Variants in ZNF536 observed in about 807,000 individuals in gnomAD.
ZNF536 encodes zinc finger protein 536.
Under a neutral mutation model 84.5 loss-of-function variants are expected in ZNF536, and 13 were observed. That is an observed-to-expected ratio of 0.15 (90% CI 0.10 to 0.24). ZNF536 has a LOEUF of 0.24. Among genes scored for constraint, ZNF536 ranks in the 10% least tolerant of loss-of-function variants. The pLI, the probability that ZNF536 is intolerant of heterozygous loss-of-function variation, is 1.00. For synonymous variants in ZNF536, 811 were observed against 742.5 expected, an observed-to-expected ratio of 1.09 and a Z score of -1.50; for missense variants, 1,536 against 1,747.5, an observed-to-expected ratio of 0.88 and a Z score of 2.16.
Position 30,352,584 on chromosome 19 carries a change from C to T in ZNF536, c.-3+100C>T, listed in dbSNP as rs2047965361. On this transcript the variant is annotated intron_variant, in intron 3 of 5. Transcript: ENST00000585628. Reference sequence around the variant, plus strand: ...AAACACAAATCTAAACCAAATAGCTCCTCTGTCTCCTGCCCCCGGCCAGGG... The same window carrying T: ...AAACACAAATCTAAACCAAATAGCTTCTCTGTCTCCTGCCCCCGGCCAGGG... 3 of 152,168 alleles carry T rather than the reference C, an allele frequency of 2.0e-5. No individual in the cohort carries two copies. In the South Asian group the frequency reaches 6.2e-4, roughly 32 times the overall value. 9.4% of individuals were successfully genotyped at this position (152,168 alleles called of 1,614,324 possible). A position where few individuals can be genotyped will look rare whatever the true frequency, so the allele number is the denominator to read the frequency against.
chr19:30,303,335 T>G (rs1258838635), intron 2 of ZNF536, among the ~76,000 whole-genome samples: 3 of 152,186 alleles, frequency 2.0e-5, no homozygotes, highest in African/African-American at 7.2e-5. Flanking sequence ...AGGCTCTATG[T>G]GATGGCGAGA....
chr19:30,433,475 C>T (rs1191869143), intron 1 of ZNF536, among the ~76,000 whole-genome samples: 1 of 152,200 alleles, frequency 6.6e-6, no homozygotes, highest in Non-Finnish European at 1.5e-5. Context: ...ATAAGACTGA[C>T]AACAGGAGCA....
chr19:30,401,046 G>A (rs1000898661), intron 1 of ZNF536, among the ~76,000 whole-genome samples: 2 of 152,016 alleles, frequency 1.3e-5, no homozygotes, highest in Non-Finnish European at 2.9e-5. Flanking sequence ...TGAGATTTAG[G>A]TCAAGGTTCT....
intron 2 of ZNF536, among the ~76,000 whole-genome samples, chr19:30,515,059 C>G (rs1040910034): frequency 6.6e-6 from 1 of 151,952 alleles, no homozygotes; most frequent in East Asian, 1.9e-4. Flanking sequence ...GAGACCAGCA[C>G]GGGCAACATG....
intron 2 of ZNF536, among the ~76,000 whole-genome samples, chr19:30,327,338 G>GC (rs1361757359): frequency 6.6e-6 from 1 of 152,140 alleles, no homozygotes; most frequent in Non-Finnish European, 1.5e-5. Context: ...ACTGAACCCT[G>GC]CCCCATCCAG....
rs777186073 is a variant in ZNF536 at position 30,445,284 on chromosome 19, C to T, written c.1722C>T (p.Ser574=). 6.2e-7 allele frequency: 1 copy of T among 1,614,174 alleles called. No homozygotes were observed. Among genetic ancestry groups the T allele is most frequent in the Non-Finnish European group, 8.5e-7 (1 of 1,180,040 alleles). ...REYVLVGADG[S]KQKMPADLVH... ...ACGTGTTAGTGGGAGCAGATGGCTC[C>T]AAGCAGAAAATGCCTGCTGATTTGG... The change falls in exon 2 of 5, where the codon TCC becomes TCT. Residue 574 remains serine, a synonymous_variant. Transcript: ENST00000355537. This position sits in a 1 kb window ranked among gnomAD's most constrained non-coding sequence, Gnocchi z 4.5.
chr19:30,604,022 C>T (rs545878150), intron 1 of ZNF536, among the ~76,000 whole-genome samples: 4 of 151,942 alleles, frequency 2.6e-5, no homozygotes, highest in African/African-American at 9.7e-5. Context: ...CCTGGGAGGC[C>T]GAGGCTGCAG....
intron 1 of ZNF536, among the ~76,000 whole-genome samples, chr19:30,563,202 C>T (rs2146450381): frequency 6.6e-6 from 1 of 152,222 alleles, no homozygotes. Context: ...TGGTGCCCCA[C>T]CCTCATCCTT....
chr19:30,645,191 C>T (rs920496743), intron 1 of ZNF536, among the ~76,000 whole-genome samples: 2 of 152,282 alleles, frequency 1.3e-5, no homozygotes, highest in African/African-American at 4.8e-5. Context: ...TGTTCATATC[C>T]TTTGCCCACT....
chr19:30,637,018 G>T (rs1033192627), intron 1 of ZNF536, among the ~76,000 whole-genome samples: 2 of 152,144 alleles, frequency 1.3e-5, no homozygotes, highest in Non-Finnish European at 2.9e-5. Context: ...CCTACAGTTT[G>T]GGCATGTTGC....
rs947318536 is a variant in ZNF536 at position 30,263,884 on chromosome 19, A to G, written c.-189-20188A>G. On this transcript the variant is annotated intron_variant, in intron 1 of 5. Coordinates refer to the ZNF536 transcript ENST00000585628. ...AATTTAAACACACACACACACATAC[A>G]CACACACACACACACACACCCTACA... Among the ~76,000 whole-genome samples the G allele has an allele frequency of 2.1e-4, 10 of 48,154 alleles. No individual in the cohort carries two copies. In the South Asian group the frequency reaches 0.013, roughly 62 times the overall value. 31.6% of individuals were successfully genotyped at this position (48,154 alleles called of 152,430 possible). A position where few individuals can be genotyped will look rare whatever the true frequency, so the allele number is the denominator to read the frequency against.
chr19:30,288,214 G>A (rs2045716215), intron 2 of ZNF536, among the ~76,000 whole-genome samples: 2 of 152,176 alleles, frequency 1.3e-5, no homozygotes, highest in Non-Finnish European at 2.9e-5. Context: ...GGATTTATGA[G>A]GCTGAAAGGA....
At chr19:30,562,836 T>A (rs2046220465), downstream of ZNF536, among the ~76,000 whole-genome samples, 1 of 152,004 alleles carries the variant, frequency 6.6e-6, no homozygotes, top group African/African-American at 2.4e-5. Flanking sequence ...CACTTTTCCA[T>A]CCTGAGAATT....
Position 30,641,109 on chromosome 19 carries a change from G to A in ZNF536, c.170-69648G>A, listed in dbSNP as rs146518617. Among the ~76,000 whole-genome samples, 1,011 of 152,240 alleles carry A rather than the reference G, an allele frequency of 6.6e-3. 11 individuals carry two copies. The highest frequency in any genetic ancestry group is 6.2e-3 in the Non-Finnish European group (422 of 68,020). ...TTAAATAAAACATTTTACCATGTTC[G>A]TGAGATAAAATCTTTAGCATTAATA... On this transcript the variant is annotated intron_variant, in intron 1 of 1. Transcript: ENST00000592773.
At chr19:30,287,282 G>C (rs117448514) in intron 2 of ZNF536, among the ~76,000 whole-genome samples, 84 of 149,380 alleles carry the variant, frequency 5.6e-4, no homozygotes, top group Non-Finnish European at 1.1e-3. Flanking sequence ...TTGATGAATG[G>C]ATGGCTGGAT....
At chr19:30,325,300 C>A (rs1320303632) in intron 2 of ZNF536, among the ~76,000 whole-genome samples, 2 of 152,234 alleles carry the variant, frequency 1.3e-5, no homozygotes, top group Non-Finnish European at 2.9e-5. Flanking sequence ...GGGGCCAGTT[C>A]TCCCCCTCAG....
chr19:30,279,031 A>C (rs1327576848), intron 1 of ZNF536, among the ~76,000 whole-genome samples: 1 of 152,096 alleles, frequency 6.6e-6, no homozygotes, highest in Non-Finnish European at 1.5e-5. Context: ...CCTTGAATGC[A>C]CCATCTCCAT....
At chr19:30,515,603 C>T (rs910956939) in intron 2 of ZNF536, among the ~76,000 whole-genome samples, 3 of 152,146 alleles carry the variant, frequency 2.0e-5, no homozygotes, top group Non-Finnish European at 4.4e-5. Context: ...TGGTAAAACA[C>T]AGGGGCTTTC....
chr19:30,318,714 G>A (rs1485248343), intron 2 of ZNF536, among the ~76,000 whole-genome samples: 2 of 152,216 alleles, frequency 1.3e-5, no homozygotes, highest in Non-Finnish European at 2.9e-5. Context: ...GCGCTTGCAT[G>A]TATATGTCTC....
Sources: allele counts gnomAD v4.1 joint callset (sites outside exome capture counted in the v4.1 genomes callset), GRCh38; gene constraint gnomAD v4.1.1; non-coding constraint Gnocchi (gnomAD v3.1); transcripts MANE v1.5; gene names NCBI Gene and HGNC (gene_info 2026-07-23, HGNC 2026-07-21).